Variants in HTR4 observed in about 807,000 individuals in gnomAD.
The protein encoded by HTR4 is 5-hydroxytryptamine (serotonin) receptor 4, G protein-coupled.
A neutral mutation model predicts 36.8 loss-of-function variants in HTR4; 16 were observed. The observed-to-expected ratio is 0.43, with a 90% confidence interval of 0.29 to 0.66. The LOEUF (loss-of-function observed/expected upper bound fraction) is 0.66. HTR4 is among the 30% of genes least tolerant of loss of function. HTR4 has a pLI of 0.13. For synonymous variants in HTR4, 189 were observed against 185.1 expected (o/e 1.02, Z -0.17); for missense variants, 438 against 490.9 (o/e 0.89, Z 1.02).
chr5:148,552,586 A>T (rs574073099), intron 2 of HTR4, among the ~76,000 whole-genome samples: 1 of 152,316 alleles, frequency 6.6e-6, no homozygotes, highest in East Asian at 1.9e-4. Context: ...ATGATTCTTC[A>T]GTGACAGACT....
intron 4 of HTR4, among the ~76,000 whole-genome samples, chr5:148,544,691 T>A (rs1742314668): frequency 6.6e-6 from 1 of 152,208 alleles, no homozygotes; most frequent in African/African-American, 2.4e-5. Context: ...TGGAAATTAT[T>A]TTTAAGGAGG....
intron 2 of HTR4, among the ~76,000 whole-genome samples, chr5:148,588,186 C>A (rs1285793399): frequency 2.0e-5 from 3 of 152,222 alleles, no homozygotes; most frequent in Non-Finnish European, 4.4e-5. Flanking sequence ...GGTTGCAAGA[C>A]CGATAGACTT....
chr5:148,521,022 A>G, intron 5 of HTR4: 1 of 1,365,984 alleles, frequency 7.3e-7, no homozygotes. Flanking sequence ...AGGAAAGGGC[A>G]GCTCCCTGTC....
At chr5:148,643,660 T>C (rs1753792043) in intron 1 of HTR4, among the ~76,000 whole-genome samples, 1 of 152,238 alleles carries the variant, frequency 6.6e-6, no homozygotes, top group African/African-American at 2.4e-5. Flanking sequence ...ATAAATGGCA[T>C]GGCATAATCT....
intron 5 of HTR4, among the ~76,000 whole-genome samples, chr5:148,519,929 A>G (rs914779553): frequency 6.6e-6 from 1 of 152,162 alleles, no homozygotes; most frequent in Non-Finnish European, 1.5e-5. Context: ...TGTTTTAGAT[A>G]AGCTTCATTC....
intron 2 of HTR4, among the ~76,000 whole-genome samples, chr5:148,557,175 G>A (rs1759984599): frequency 6.6e-6 from 1 of 152,080 alleles, no homozygotes; most frequent in Admixed American, 6.6e-5. Context: ...GTAATGACAT[G>A]GGGGCAGGGG....
chr5:148,534,918 G>A (rs1758740051), intron 4 of HTR4, among the ~76,000 whole-genome samples: 1 of 152,088 alleles, frequency 6.6e-6, no homozygotes, highest in Admixed American at 6.5e-5. Flanking sequence ...CAGAGCTACA[G>A]TCAGCAGCCC....
chr5:148,574,616 T>C (rs78363813), intron 2 of HTR4, among the ~76,000 whole-genome samples: 5,437 of 152,198 alleles, frequency 0.036, 136 homozygotes, highest in Middle Eastern at 0.058. Context: ...ACATCTGTAG[T>C]ACACAGGAAA....
At chr5:148,600,419 T>C (rs544495059) in intron 2 of HTR4, among the ~76,000 whole-genome samples, 1 of 150,328 alleles carries the variant, frequency 6.7e-6, no homozygotes, top group African/African-American at 2.4e-5. Flanking sequence ...ACTAGGCTTA[T>C]TTCAACAGGA....
chr5:148,469,298 CT>C (rs1433978573), intron 5 of HTR4, among the ~76,000 whole-genome samples: 1 of 152,124 alleles, frequency 6.6e-6, no homozygotes, highest in Non-Finnish European at 1.5e-5. Flanking sequence ...AAAATGTTAG[CT>C]TTTTTTATAG....
Position 148,482,755 on chromosome 5 carries a change from C to T in HTR4, c.*448G>A, listed in dbSNP as rs922967602. Reference sequence around the variant, plus strand: ...AAGCAAGTAAGCAAGACAGGAGCGACGCCTCTGGCTAAGACAGGAACAGAG... The same window carrying T: ...AAGCAAGTAAGCAAGACAGGAGCGATGCCTCTGGCTAAGACAGGAACAGAG... On this transcript the variant is annotated 3_prime_UTR_variant, in exon 7 of 7. Transcript: ENST00000377888. 1 of 1,019,266 alleles carries T rather than the reference C, an allele frequency of 9.8e-7. No individual in the cohort carries two copies. Among genetic ancestry groups the T allele is most frequent in the African/African-American group, 1.7e-5 (1 of 59,160 alleles). 63.1% of individuals were successfully genotyped at this position (1,019,266 alleles called of 1,614,324 possible).
chr5:148,639,024 G>T (rs903339908), intron 1 of HTR4, among the ~76,000 whole-genome samples: 9 of 151,992 alleles, frequency 5.9e-5, no homozygotes, highest in Non-Finnish European at 1.0e-4. Context: ...TCCAGCCTGG[G>T]TGACAAAGTG....
At chr5:148,604,885 T>C (rs1252183316) in intron 2 of HTR4, among the ~76,000 whole-genome samples, 1 of 152,168 alleles carries the variant, frequency 6.6e-6, no homozygotes, top group African/African-American at 2.4e-5. Flanking sequence ...GTTGTTCCAA[T>C]AAAAACATTT....
chr5:148,518,637 T>C (rs541400849), intron 5 of HTR4, among the ~76,000 whole-genome samples: 10 of 152,298 alleles, frequency 6.6e-5, no homozygotes, highest in Admixed American at 5.2e-4. Flanking sequence ...GCTTCTTCTA[T>C]CACTCTGAGT....
rs915828695 is a variant in HTR4 at position 148,501,931 on chromosome 5, G to A, written c.1076+7525C>T. Among the ~76,000 whole-genome samples the A allele has an allele frequency of 2.0e-5, 3 of 152,018 alleles. No homozygotes were observed. The East Asian group carries it at 5.8e-4, about 29-fold the overall frequency. On this transcript the variant is annotated intron_variant, in intron 6 of 6. Coordinates refer to ENST00000377888, the MANE Select transcript of HTR4 (RefSeq NM_000870.7). ...AAAAATTAGCCAGGCATGGTGGCAG[G>A]TGCCTGTAGTCCCAGCTACTGGGGA...
intron 5 of HTR4, among the ~76,000 whole-genome samples, chr5:148,466,909 C>G (rs572340747): frequency 4.6e-5 from 7 of 152,300 alleles, no homozygotes; most frequent in Admixed American, 1.3e-4. Context: ...ACAAAGCTCT[C>G]TTAGTGTTAC....
intron 4 of HTR4, among the ~76,000 whole-genome samples, chr5:148,534,338 C>T (rs773596142): frequency 1.1e-4 from 17 of 152,162 alleles, no homozygotes; most frequent in Non-Finnish European, 1.5e-4. Context: ...AGTGGGAGAT[C>T]CAAGGTGACT....
At chr5:148,619,612 C>A (rs1377704012) in intron 2 of HTR4, among the ~76,000 whole-genome samples, 3 of 152,084 alleles carry the variant, frequency 2.0e-5, no homozygotes, top group Non-Finnish European at 2.9e-5. Flanking sequence ...ACTAATGAAG[C>A]CAGCAGGAGC....
intron 4 of HTR4, among the ~76,000 whole-genome samples, chr5:148,547,938 A>G (rs2113845066): frequency 6.6e-6 from 1 of 152,338 alleles, no homozygotes; most frequent in South Asian, 2.1e-4. Flanking sequence ...TTGTGTAGTC[A>G]TCTGACTTTA....
Sources: allele counts gnomAD v4.1 joint callset (sites outside exome capture counted in the v4.1 genomes callset), GRCh38; gene constraint gnomAD v4.1.1; transcripts MANE v1.5; gene names NCBI Gene and HGNC (gene_info 2026-07-23, HGNC 2026-07-21).